The following FER variants were observed in gnomAD, a reference collection of about 807,000 sequenced individuals.
The protein encoded by FER is FER tyrosine kinase.
Under a neutral mutation model 111.0 loss-of-function variants are expected in FER, and 63 were observed. The ratio of observed to expected loss-of-function variants is 0.57; its 90% CI spans 0.46 to 0.70. The LOEUF (loss-of-function observed/expected upper bound fraction) is 0.70. Among genes scored for constraint, FER ranks in the 30% least tolerant of loss-of-function variants. The pLI is 0.00. For missense variants in FER, 914 were observed against 954.0 expected, an observed-to-expected ratio of 0.96 and a Z score of 0.55; for synonymous variants, 327 against 313.9, an observed-to-expected ratio of 1.04 and a Z score of -0.44.
At chr5:109,118,908 T>C (rs2126476352) in intron 17 of FER, among the ~76,000 whole-genome samples, 1 of 152,124 alleles carries the variant, frequency 6.6e-6, no homozygotes, top group South Asian at 2.1e-4. Context: ...TCTTTATTAG[T>C]CTTGCTAGCG....
intron 17 of FER, among the ~76,000 whole-genome samples, chr5:109,104,659 A>C (rs1748660916): frequency 6.6e-6 from 1 of 152,188 alleles, no homozygotes; most frequent in African/African-American, 2.4e-5. Context: ...ATGAATTTTA[A>C]CTGAAAAAAG....
chr5:109,192,507 G>A lies in FER; in HGVS notation c.*4932G>A, dbSNP rs1371550728. 6.6e-6 allele frequency: 1 copy of A among 152,116 alleles called. No homozygotes were observed. The highest frequency in any genetic ancestry group is 2.4e-5 in the African/African-American group (1 of 41,426). The allele number at this position is 152,116 out of a possible 1,614,324, so 9.4% of individuals were successfully genotyped here. A position where few individuals can be genotyped will look rare whatever the true frequency, so the allele number is the denominator to read the frequency against. On this transcript the variant is annotated 3_prime_UTR_variant, in exon 20 of 20. Transcript: ENST00000281092. The stretch of plus-strand genomic sequence containing the variant: ...CAGAGATGATTGTGTGCTGGGAAAT[G>A]CTTATATTCATTATTTCCCAACTAA...
intron 10 of FER, among the ~76,000 whole-genome samples, chr5:108,911,243 A>G (rs1225572902): frequency 1.3e-5 from 2 of 151,958 alleles, no homozygotes; most frequent in Admixed American, 1.3e-4. Flanking sequence ...TTTTTTTCAT[A>G]TATTTCTTGG....
intron 5 of FER, 190 bp downstream of exon 5, chr5:108,835,997 C>G: frequency 2.9e-6 from 1 of 340,274 alleles, no homozygotes; most frequent in South Asian, 4.8e-5. Flanking sequence ...TTAAATGACT[C>G]AAAGTATTTT....
At chr5:108,785,169 T>C (rs552068470) in intron 2 of FER, 10 of 611,606 alleles carry the variant, frequency 1.6e-5, no homozygotes, top group South Asian at 6.8e-5. Flanking sequence ...ACCAACCACA[T>C]TGGCCACACA....
chr5:108,998,436 G>T (rs1470799405), intron 13 of FER, among the ~76,000 whole-genome samples: 2 of 152,102 alleles, frequency 1.3e-5, no homozygotes, highest in African/African-American at 2.4e-5. Flanking sequence ...CCTGGGTGAG[G>T]CGACATCCCA....
At position 108,835,823 on chromosome 5, in the gene FER, A is replaced by G. The variant is rs780792452; in HGVS notation, c.481+16A>G. 1.4e-6 allele frequency: 2 copies of G among 1,444,406 alleles called. No homozygotes were observed. Among genetic ancestry groups the G allele is most frequent in the Non-Finnish European group, 1.9e-6 (2 of 1,065,212 alleles). 89.5% of individuals were successfully genotyped at this position (1,444,406 alleles called of 1,614,324 possible). ...TTAGCTAAAGGTAAGGCAAAATTTT[A>G]AAAATTGTTTACTTAGGTGATTTTT... On this transcript the variant is annotated intron_variant, in intron 5 of 19. Transcript: ENST00000281092.
At chr5:109,083,162 C>T (rs1050684582) in intron 16 of FER, among the ~76,000 whole-genome samples, 1 of 152,010 alleles carries the variant, frequency 6.6e-6, no homozygotes, top group African/African-American at 2.4e-5. Context: ...AGGAAATAAT[C>T]AAGTTCTTAC....
At chr5:108,835,181 G>GCCGCCCCCCCCCCC (rs1312154707) in intron 4 of FER, among the ~76,000 whole-genome samples, 2 of 56,308 alleles carry the variant, frequency 3.6e-5, no homozygotes, top group African/African-American at 1.2e-4. Context: ...CTTCGTTTGC[G>GCCGCCCCCCCCCCC]CCACCCCCCC....
At chr5:108,971,660 T>C (rs978070356) in intron 13 of FER, among the ~76,000 whole-genome samples, 1 of 152,142 alleles carries the variant, frequency 6.6e-6, no homozygotes, top group Non-Finnish European at 1.5e-5. Context: ...GGTTATAATA[T>C]TAAAACACAG....
At chr5:108,886,912 T>A (rs990942813) in intron 9 of FER, among the ~76,000 whole-genome samples, 1 of 151,804 alleles carries the variant, frequency 6.6e-6, no homozygotes, top group African/African-American at 2.4e-5. Flanking sequence ...CATATTTTGC[T>A]AAACACATAG....
At chr5:109,146,187 CAT>C (rs989263276) in intron 17 of FER, among the ~76,000 whole-genome samples, 4 of 81,566 alleles carry the variant, frequency 4.9e-5, no homozygotes, top group East Asian at 5.7e-4. Context: ...CAAAAAAATA[CAT>C]ATATATATAA....
rs536079581 is a variant in FER, at chr5:108,765,097, G to C, written c.-205-2996G>C. ...AGTATGTGTAATTGAGGAAGTTCTTGGGGAAGATTAAGGTGCATTAGAAAG... is the reference window on the plus strand; with the variant it reads ...AGTATGTGTAATTGAGGAAGTTCTTCGGGAAGATTAAGGTGCATTAGAAAG... On this transcript the variant is annotated intron_variant, in intron 1 of 19. Coordinates refer to ENST00000281092, the MANE Select transcript of FER (RefSeq NM_005246.4). Among the ~76,000 whole-genome samples, 7 of 152,322 alleles carry C rather than the reference G, an allele frequency of 4.6e-5. No homozygotes were observed. In the East Asian group the frequency reaches 1.3e-3, roughly 29 times the overall value.
intron 5 of FER, chr5:108,841,691 A>T (rs192380335): frequency 1.3e-3 from 257 of 190,462 alleles, no homozygotes; most frequent in African/African-American, 5.8e-3. Context: ...GTCAGGAGTA[A>T]CAAAGTAGTA....
chr5:108,815,357 G>A (rs552166872), intron 3 of FER, among the ~76,000 whole-genome samples: 4 of 151,892 alleles, frequency 2.6e-5, no homozygotes, highest in African/African-American at 9.7e-5. Context: ...GTATCATTTT[G>A]CATATCCAGC....
At chr5:109,068,184 T>A (rs1245707428) in intron 16 of FER, among the ~76,000 whole-genome samples, 1 of 151,880 alleles carries the variant, frequency 6.6e-6, no homozygotes, top group Admixed American at 6.6e-5. Flanking sequence ...TCATCTCTTT[T>A]TTTTTTTTCA....
intron 13 of FER, among the ~76,000 whole-genome samples, chr5:109,009,999 A>G (rs192164823): frequency 6.6e-6 from 1 of 152,344 alleles, no homozygotes; most frequent in Non-Finnish European, 1.5e-5. Context: ...AAGTAACAAG[A>G]CTAACTCAGA....
At chr5:109,054,182 G>A (rs1422499574) in intron 16 of FER, among the ~76,000 whole-genome samples, 6 of 152,130 alleles carry the variant, frequency 3.9e-5, no homozygotes, top group Non-Finnish European at 7.4e-5. Flanking sequence ...TCTGGCATTT[G>A]CATGTTAAAT....
At chr5:108,875,034 A>G (rs1470329348) in intron 8 of FER, among the ~76,000 whole-genome samples, 1 of 152,126 alleles carries the variant, frequency 6.6e-6, no homozygotes, top group Non-Finnish European at 1.5e-5. Flanking sequence ...TATGACATGT[A>G]CCTGATAAAG....
Sources: gnomAD v4.1 joint callset for allele counts (sites outside exome capture counted in the v4.1 genomes callset) on GRCh38, gnomAD v4.1.1 for gene constraint, MANE v1.5 for transcripts, NCBI Gene and HGNC (gene_info 2026-07-23, HGNC 2026-07-21) for gene names.